The following SLIT1 variants were observed in gnomAD, a reference collection of about 807,000 sequenced individuals.
SLIT1 encodes slit guidance ligand 1.
In SLIT1, 66 loss-of-function variants were observed where a neutral mutation model predicts 186.1. The observed-to-expected ratio is 0.35, with a 90% confidence interval of 0.29 to 0.44. SLIT1 has a LOEUF of 0.44. Among genes scored for constraint, SLIT1 ranks in the 20% least tolerant of loss-of-function variants. SLIT1 has a pLI of 1.00. For synonymous variants in SLIT1, 761 were observed against 833.8 expected (o/e 0.91, Z 1.50); for missense variants, 1,638 against 2,037.4 (o/e 0.80, Z 3.77).
At chr10:97,162,945 A>G (rs959508162) in intron 3 of SLIT1, among the ~76,000 whole-genome samples, 1 of 152,088 alleles carries the variant, frequency 6.6e-6, no homozygotes, top group Non-Finnish European at 1.5e-5. Flanking sequence ...CCACCTTCCC[A>G]TTTCTGTACT....
At position 96,999,768 on chromosome 10, in the gene SLIT1, C is replaced by T. The variant is rs115277542; in HGVS notation, c.*1344G>A. 0.026 allele frequency: 3,912 copies of T among 152,616 alleles called. 162 individuals carry two copies. Among genetic ancestry groups the T allele is most frequent in the African/African-American group, 0.088 (3,662 of 41,544 alleles). 9.5% of individuals were successfully genotyped at this position (152,616 alleles called of 1,614,324 possible). The stretch of plus-strand genomic sequence containing the variant: ...TTGCCAGCAACTCCCTGGCCTGGGC[C>T]GCTGTCTGTGGCTGGAGCCCCCACT... On this transcript the variant is annotated 3_prime_UTR_variant, in exon 37 of 37. Coordinates refer to ENST00000266058, the MANE Select transcript of SLIT1 (RefSeq NM_003061.3).
At chr10:97,014,516 A>G (rs1848438027) in intron 28 of SLIT1, among the ~76,000 whole-genome samples, 1 of 152,066 alleles carries the variant, frequency 6.6e-6, no homozygotes, top group African/African-American at 2.4e-5. Context: ...TTAACCAAGG[A>G]CCTTGACAAG....
Position 97,047,541 on chromosome 10 carries a change from T to G in SLIT1, c.1634+149A>C, listed in dbSNP as rs566157562. The G allele has an allele frequency of 3.8e-6, 3 of 785,310 alleles. No homozygotes were observed. In the African/African-American group the frequency reaches 5.1e-5, roughly 13 times the overall value. The allele number at this position is 785,310 out of a possible 1,614,324, so 48.6% of individuals were successfully genotyped here. On this transcript the variant is annotated intron_variant, in intron 16 of 36. Transcript: ENST00000266058. ...GGGCAGCAGGGGTGGGGTTTCTTCCTGCCCAAGCCAGCAGTTGGTATGTCC... is the reference window on the plus strand; with the variant it reads ...GGGCAGCAGGGGTGGGGTTTCTTCCGGCCCAAGCCAGCAGTTGGTATGTCC...
In SLIT1 at chr10:97,185,498, T is replaced by C. The variant is rs1850400665; in HGVS notation, c.177A>G (p.Ile59Met). Residue 59 changes from isoleucine to methionine, a missense_variant, in exon 1 of 37, where the codon ATA becomes ATG. Around this residue, in one of 3 missense-constraint regions of SLIT1, gnomAD observed 1,245 missense variants for 1,535.3 expected, o/e 0.81. Transcript: ENST00000266058. ...GTGLQAIPKN[I>M]PRNTERLELN... is the part of the protein sequence containing the mutation. ...CTCACAGGCGCTCGGTGTTCCGAGGTATATTCTTGGGAATGGCCTGCAGCC... is the reference window on the plus strand; with the variant it reads ...CTCACAGGCGCTCGGTGTTCCGAGGCATATTCTTGGGAATGGCCTGCAGCC... The C allele has an allele frequency of 6.2e-7, 1 of 1,611,932 alleles. No homozygotes were observed. Among genetic ancestry groups the C allele is most frequent in the Non-Finnish European group, 8.5e-7 (1 of 1,179,510 alleles).
intron 23 of SLIT1, among the ~76,000 whole-genome samples, chr10:97,032,322 A>C (rs1213661194): frequency 6.6e-6 from 1 of 152,184 alleles, no homozygotes; most frequent in Non-Finnish European, 1.5e-5. Flanking sequence ...TAATCCCAGC[A>C]CTTTGGGAAG....
chr10:97,123,352 T>C (rs1849576495), intron 4 of SLIT1, among the ~76,000 whole-genome samples: 1 of 152,182 alleles, frequency 6.6e-6, no homozygotes. Context: ...TTGTAAGCCA[T>C]CTAGCAAGAG....
chr10:97,074,807 T>C (rs1214778222), intron 4 of SLIT1, among the ~76,000 whole-genome samples: 1 of 152,210 alleles, frequency 6.6e-6, no homozygotes, highest in East Asian at 1.9e-4. Flanking sequence ...CTGCCCCTCC[T>C]TCTGCACACT....
chr10:97,057,919 C>T, intron 11 of SLIT1: 1 of 706,542 alleles, frequency 1.4e-6, no homozygotes, highest in Non-Finnish European at 2.7e-6. Flanking sequence ...TATGCCATTC[C>T]CAATATCATA....
rs1396749386 is a variant in SLIT1, at chr10:97,004,465, A to AG, written c.3710+227dup. 6.6e-6 allele frequency among the ~76,000 whole-genome samples: 1 copy of AG among 152,142 alleles called. No homozygotes were observed. Among genetic ancestry groups the AG allele is most frequent in the Non-Finnish European group, 1.5e-5 (1 of 67,998 alleles). ...CTTACAAGTCTCCCCCTCCCCATTA[A>AG]GGAGCCTCCTCTAAGGTGGTGGTGG... is the stretch of plus-strand genomic sequence containing the variant. On this transcript the variant is annotated intron_variant, in intron 33 of 36. Coordinates refer to ENST00000266058, the MANE Select transcript of SLIT1 (RefSeq NM_003061.3). The surrounding 1 kb of genome is among the most constrained non-coding windows in gnomAD (Gnocchi z 5.1).
At chr10:97,067,978 C>A (rs1848965011) in intron 4 of SLIT1, among the ~76,000 whole-genome samples, 1 of 152,292 alleles carries the variant, frequency 6.6e-6, no homozygotes, top group Admixed American at 6.5e-5. Flanking sequence ...TGGTGAGAAA[C>A]CCAACGGTGT....
In SLIT1 at chr10:97,043,439, G is replaced by A. The variant is rs1848707695; in HGVS notation, c.1928C>T (p.Ser643Leu). Residue 643 changes from serine (S) to leucine (L), a missense_variant, in exon 19 of 37, where the codon TCG becomes TTG. Ser to Leu is a moderately radical substitution (Grantham distance 145). Coordinates refer to ENST00000266058, the MANE Select transcript of SLIT1 (RefSeq NM_003061.3). This position sits in a 1 kb window ranked among gnomAD's most constrained non-coding sequence, Gnocchi z 7.0. The part of the protein sequence containing the change: ...FTGLRNVRLL[S>L]LYDNQITTVS... ...GGTGGTGATCTGGTTGTCGTAGAGCGAGAGGAGCCGGACGTTGCGCAGGCC... is the reference window on the plus strand; with the variant it reads ...GGTGGTGATCTGGTTGTCGTAGAGCAAGAGGAGCCGGACGTTGCGCAGGCC... 6.2e-7 allele frequency: 1 copy of A among 1,614,000 alleles called. No individual in the cohort carries two copies. The highest frequency in any genetic ancestry group is 8.5e-7 in the Non-Finnish European group (1 of 1,179,960).
chr10:97,145,065 C>G (rs1420629808), intron 4 of SLIT1, among the ~76,000 whole-genome samples: 1 of 152,100 alleles, frequency 6.6e-6, no homozygotes, highest in Non-Finnish European at 1.5e-5. Flanking sequence ...CTTTGGGGTG[C>G]TCCTGGGCTG....
At chr10:97,112,534 A>C (rs1849474202) in intron 4 of SLIT1, among the ~76,000 whole-genome samples, 1 of 152,184 alleles carries the variant, frequency 6.6e-6, no homozygotes, top group Non-Finnish European at 1.5e-5. Context: ...CCTTCACAGC[A>C]CTATCCAATT....
intron 4 of SLIT1, among the ~76,000 whole-genome samples, chr10:97,139,736 T>C (rs947845646): frequency 2.6e-5 from 4 of 152,028 alleles, no homozygotes; most frequent in Non-Finnish European, 4.4e-5. Flanking sequence ...GCGTGCAGAG[T>C]TCCGGGGGCC....
At chr10:97,182,926 G>A (rs1850360374) in intron 1 of SLIT1, among the ~76,000 whole-genome samples, 1 of 151,006 alleles carries the variant, frequency 6.6e-6, no homozygotes, top group South Asian at 2.1e-4. Flanking sequence ...AGAAGTTTGA[G>A]ACCAGCCTGG....
intron 10 of SLIT1, among the ~76,000 whole-genome samples, chr10:97,059,794 C>T (rs1251296090): frequency 1.3e-5 from 2 of 152,158 alleles, no homozygotes; most frequent in African/African-American, 4.8e-5. Flanking sequence ...GTCTCCTAGC[C>T]CCCTCCCATC....
intron 13 of SLIT1, among the ~76,000 whole-genome samples, chr10:97,056,070 G>A (rs1357359296): frequency 6.6e-6 from 1 of 152,168 alleles, no homozygotes; most frequent in East Asian, 1.9e-4. Flanking sequence ...CCTATGGGAA[G>A]GCATCCCCAT....
intron 4 of SLIT1, among the ~76,000 whole-genome samples, chr10:97,141,915 T>C (rs77509358): frequency 0.11 from 16,712 of 152,034 alleles, 1,075 homozygotes; most frequent in East Asian, 0.31. Flanking sequence ...GCTTCAGCCC[T>C]CCAGCCTCCC....
At chr10:97,099,981 A>G (rs1311071093) in intron 4 of SLIT1, among the ~76,000 whole-genome samples, 1 of 152,214 alleles carries the variant, frequency 6.6e-6, no homozygotes, top group Non-Finnish European at 1.5e-5. Context: ...CTGACAATAT[A>G]TACTTAGAGT....
Sources: allele counts gnomAD v4.1 joint callset (sites outside exome capture counted in the v4.1 genomes callset), GRCh38; gene constraint gnomAD v4.1.1; regional missense constraint gnomAD v4.1.1; non-coding constraint Gnocchi (gnomAD v3.1); transcripts MANE v1.5; gene names NCBI Gene and HGNC (gene_info 2026-07-23, HGNC 2026-07-21).